ZNF503: variants seen among roughly 807,000 people sequenced by gnomAD.
The protein encoded by ZNF503 is zinc finger protein 503.
A neutral mutation model predicts 34.4 loss-of-function variants in ZNF503; 15 were observed. The ratio of observed to expected loss-of-function variants is 0.44; its 90% confidence interval spans 0.29 to 0.67. The LOEUF (loss-of-function observed/expected upper bound fraction) is 0.67, where lower values mean the gene tolerates loss of function less well. Among genes scored for constraint, ZNF503 ranks in the 30% least tolerant of loss-of-function variants. ZNF503 has a pLI of 0.13. For synonymous variants in ZNF503, 580 were observed against 456.8 expected, an observed-to-expected ratio of 1.27 and a Z score of -3.44; for missense variants, 1,007 against 926.8, an observed-to-expected ratio of 1.09 and a Z score of -1.12.
At chr10:75,292,138 G>C in the ZNF503 span, among the ~76,000 whole-genome samples, 3 of 152,200 alleles carry the variant, frequency 2.0e-5, no homozygotes, top group Admixed American at 1.3e-4. Flanking sequence ...GGGGACCATG[G>C]GGGAGGAGAG....
chr10:75,364,281 G>A, the ZNF503 span, among the ~76,000 whole-genome samples: 2 of 152,116 alleles, frequency 1.3e-5, no homozygotes, highest in African/African-American at 4.8e-5. Flanking sequence ...AACATCTCTA[G>A]GAAGCCTCTT....
chr10:75,341,104 G>C, the ZNF503 span, among the ~76,000 whole-genome samples: 1 of 152,184 alleles, frequency 6.6e-6, no homozygotes, highest in South Asian at 2.1e-4. Context: ...CTCCAGATTA[G>C]TTTATAGTGC....
At chr10:75,300,800 G>C in the ZNF503 span, among the ~76,000 whole-genome samples, 1 of 146,586 alleles carries the variant, frequency 6.8e-6, no homozygotes, top group Admixed American at 6.9e-5. Flanking sequence ...CTGCCTTCCG[G>C]GTTCAAGTGA....
the ZNF503 span, among the ~76,000 whole-genome samples, chr10:75,383,403 C>T: frequency 1.3e-5 from 2 of 152,170 alleles, no homozygotes; most frequent in Non-Finnish European, 2.9e-5. Context: ...AGTTTCCCCC[C>T]ACTTCTGCTT....
At chr10:75,314,236 C>CAAAAAAAAAAAAAAAAAAAAAAAAAA in the ZNF503 span, among the ~76,000 whole-genome samples, 1 of 89,806 alleles carries the variant, frequency 1.1e-5, no homozygotes, top group Non-Finnish European at 2.2e-5. Context: ...GACTCCGTCT[C>CAAAAAAAAAAAAAAAAAAAAAAAAAA]AAAAAAAAAA....
At chr10:75,281,521 T>A in the ZNF503 span, among the ~76,000 whole-genome samples, 1,428 of 152,234 alleles carry the variant, frequency 9.4e-3, 18 homozygotes, top group African/African-American at 0.032. Context: ...AAGAACTTCC[T>A]CATGAGTACC....
At chr10:75,397,186 C>G (rs550708330), downstream of ZNF503, among the ~76,000 whole-genome samples, 2 of 142,070 alleles carry the variant, frequency 1.4e-5, no homozygotes, top group Non-Finnish European at 1.5e-5. Context: ...CCCCGGGTCC[C>G]GACTCTGGAG....
the ZNF503 span, among the ~76,000 whole-genome samples, chr10:75,368,910 C>T: frequency 3.9e-5 from 6 of 152,272 alleles, no homozygotes; most frequent in East Asian, 1.9e-4. Context: ...AACTGAACAG[C>T]GGATAGTTTA....
chr10:75,318,461 G>A, the ZNF503 span, among the ~76,000 whole-genome samples: 2 of 151,908 alleles, frequency 1.3e-5, no homozygotes, highest in African/African-American at 4.8e-5. Context: ...TTGAGCCCAA[G>A]AATTTGATGC....
the ZNF503 span, among the ~76,000 whole-genome samples, chr10:75,314,109 G>A: frequency 1.3e-5 from 2 of 152,024 alleles, no homozygotes; most frequent in Non-Finnish European, 2.9e-5. Flanking sequence ...GGAGATCTGC[G>A]AATTGCTAGA....
the ZNF503 span, among the ~76,000 whole-genome samples, chr10:75,286,672 G>C: frequency 6.6e-6 from 1 of 152,168 alleles, no homozygotes; most frequent in South Asian, 2.1e-4. Context: ...AAGAGACTTG[G>C]TGCATGAGAA....
At chr10:75,329,633 T>C in the ZNF503 span, among the ~76,000 whole-genome samples, 5 of 151,366 alleles carry the variant, frequency 3.3e-5, no homozygotes, top group African/African-American at 1.2e-4. Flanking sequence ...ACCCAGCCAA[T>C]TTAAACCATT....
At position 75,400,018 on chromosome 10, in the gene ZNF503, G is replaced by A. The variant is rs1351222065; in HGVS notation, c.672C>T (p.Pro224=). The A allele has an allele frequency of 1.2e-6, 2 of 1,604,220 alleles. No individual in the cohort carries two copies. The highest frequency in any genetic ancestry group is 1.1e-5 in the South Asian group (1 of 90,292). ...VPSATCQPFT[P]RTGSPSSSAS... ...CGCTGGAGCTCGGGCTGCCTGTCCT[G>A]GGCGTGAATGGCTGGCAGGTGGCGC... Residue 224 remains proline (P), a synonymous_variant, in exon 2 of 2, where the codon CCC becomes CCT. Coordinates refer to ENST00000372524, the MANE Select transcript of ZNF503 (RefSeq NM_032772.6).
the ZNF503 span, among the ~76,000 whole-genome samples, chr10:75,387,349 T>A: frequency 6.6e-6 from 1 of 152,212 alleles, no homozygotes; most frequent in South Asian, 2.1e-4. Context: ...GCCCCACCAC[T>A]TTTTAGCTGT....
At chr10:75,287,129 A>G in the ZNF503 span, among the ~76,000 whole-genome samples, 3 of 152,100 alleles carry the variant, frequency 2.0e-5, no homozygotes, top group Non-Finnish European at 4.4e-5. Flanking sequence ...CCGTGGGGTC[A>G]GAAGTGCCCT....
chr10:75,399,568 G>C lies in ZNF503; in HGVS notation c.1122C>G (p.Phe374Leu). Residue 374 changes from phenylalanine to leucine, a missense_variant, in exon 2 of 2, where the codon TTC (phenylalanine) becomes TTG (leucine). Phe to Leu is a conservative substitution (Grantham distance 22). Transcript: ENST00000372524. Reference protein sequence around the residue: ...AGAYAGYPPQFLPHGVALDPT... With the variant: ...AGAYAGYPPQLLPHGVALDPT... ...GGTCAAGTGCCACGCCGTGTGGCAG[G>C]AACTGGGGCGGGTAGCCGGCGTAGG... The C allele has an allele frequency of 6.3e-7, 1 of 1,596,360 alleles. No individual in the cohort carries two copies.
At chr10:75,339,632 G>T in the ZNF503 span, among the ~76,000 whole-genome samples, 1 of 152,164 alleles carries the variant, frequency 6.6e-6, no homozygotes, top group East Asian at 1.9e-4. Context: ...CAACACACGG[G>T]TGGGTGTCGC....
chr10:75,315,603 G>T, the ZNF503 span, among the ~76,000 whole-genome samples: 1 of 152,046 alleles, frequency 6.6e-6, no homozygotes, highest in Non-Finnish European at 1.5e-5. Context: ...AAACAATGAA[G>T]AGAAAGGAAT....
the ZNF503 span, among the ~76,000 whole-genome samples, chr10:75,372,264 C>T: frequency 2.6e-5 from 4 of 152,280 alleles, no homozygotes; most frequent in East Asian, 7.7e-4. Context: ...TTTCTTAACA[C>T]AAAAGCAGCA....
Sources: gnomAD v4.1 joint callset for allele counts (sites outside exome capture counted in the v4.1 genomes callset) on GRCh38, gnomAD v4.1.1 for gene constraint, MANE v1.5 for transcripts, NCBI Gene and HGNC (gene_info 2026-07-23, HGNC 2026-07-21) for gene names.